The following GRAMD4 variants were observed in gnomAD, a reference collection of about 807,000 sequenced individuals.
The protein encoded by GRAMD4 is GRAM domain containing 4.
Under a neutral mutation model 83.9 loss-of-function variants are expected in GRAMD4, and 25 were observed. The observed-to-expected ratio is 0.30, with a 90% CI of 0.22 to 0.42. GRAMD4 has a LOEUF of 0.42. Ranked by LOEUF, GRAMD4 falls within the 10% of genes least tolerant of loss-of-function variation. The probability of loss-of-function intolerance (pLI) is 1.00; values close to 1 mark genes in which losing one functional copy is unlikely to be tolerated. For missense variants in GRAMD4, 593 were observed against 788.7 expected (o/e 0.75, Z 2.97); for synonymous variants, 336 against 320.9 (o/e 1.05, Z -0.50).
At chr22:46,600,040 A>C (rs1238885334) in intron 1 of GRAMD4, among the ~76,000 whole-genome samples, 1 of 152,168 alleles carries the variant, frequency 6.6e-6, no homozygotes, top group South Asian at 2.1e-4. Context: ...TTATTTGTCA[A>C]AGGGTCCTGC....
chr22:46,597,688 A>G (rs2081275504), intron 1 of GRAMD4, among the ~76,000 whole-genome samples: 1 of 151,932 alleles, frequency 6.6e-6, no homozygotes, highest in Admixed American at 6.6e-5. Context: ...ACGGGGTTTC[A>G]CCGTGTTAGC....
rs143245605 is a variant in GRAMD4, at chr22:46,601,792, T to C, written c.-50+24502T>C. On this transcript the variant is annotated intron_variant, in intron 1 of 1. Coordinates refer to the GRAMD4 transcript ENST00000431155. ...GCCTGGGTGACAGAGCAAGACCTTG[T>C]CTCTAAAAAACTTTTTTTTTAAGTT... is the stretch of plus-strand genomic sequence containing the variant. Among the ~76,000 whole-genome samples, 3 of 152,266 alleles carry C rather than the reference T, an allele frequency of 2.0e-5. No individual in the cohort carries two copies. In the East Asian group the frequency reaches 5.8e-4, roughly 29 times the overall value.
At chr22:46,620,184 TTCCCTAGACA>T (rs1235203697), upstream of GRAMD4, 26 of 331,658 alleles carry the variant, frequency 7.8e-5, no homozygotes, top group Non-Finnish European at 1.1e-4. The surrounding 1 kb of genome is among the most constrained non-coding windows in gnomAD (Gnocchi z 4.7). Context: ...GAGTCCAGGG[TTCCCTAGACA>T]CTGTTGCCTT....
intron 5 of GRAMD4, among the ~76,000 whole-genome samples, chr22:46,662,158 G>T (rs1340563547): frequency 6.6e-6 from 1 of 152,228 alleles, no homozygotes; most frequent in Non-Finnish European, 1.5e-5. Flanking sequence ...TAAAAACTCT[G>T]CCAGGCTGCC....
intron 1 of GRAMD4, among the ~76,000 whole-genome samples, chr22:46,585,167 G>A (rs1014989421): frequency 1.1e-4 from 16 of 151,818 alleles, no homozygotes; most frequent in African/African-American, 3.6e-4. Context: ...GGGGATCTGA[G>A]TGGAGCCTGT....
chr22:46,637,689 T>G, intron 2 of GRAMD4, 151 bp from the exon 3 acceptor site: 1 of 717,740 alleles, frequency 1.4e-6, no homozygotes. Flanking sequence ...GACTGCTGCG[T>G]CGTCCCCATG....
chr22:46,617,370 G>A (rs1214938960), upstream of GRAMD4, among the ~76,000 whole-genome samples: 8 of 148,418 alleles, frequency 5.4e-5, no homozygotes, highest in Admixed American at 3.3e-4. Context: ...CCATGTGTGC[G>A]GGTTCCCCTG....
rs188195175 is a variant in GRAMD4, at chr22:46,651,669, T to C, written c.284-6518T>C. On this transcript the variant is annotated intron_variant, in intron 3 of 18. Transcript: ENST00000406902. ...CAGGTGCCCCGTGCTGCCATTAGGA[T>C]GCGCTGTGGCAGGTCATGCATTTGT... 1.8e-3 allele frequency among the ~76,000 whole-genome samples: 279 copies of C among 152,336 alleles called. 1 individual carries two copies. Among genetic ancestry groups the C allele is most frequent in the African/African-American group, 6.5e-3 (269 of 41,586 alleles).
intron 1 of GRAMD4, among the ~76,000 whole-genome samples, chr22:46,606,598 AT>A (rs374846099): frequency 3.3e-4 from 4 of 12,122 alleles, no homozygotes; most frequent in Non-Finnish European, 8.4e-4. Context: ...GCATGGGTTT[AT>A]TGACCGGTGC....
upstream of GRAMD4, among the ~76,000 whole-genome samples, chr22:46,619,130 C>T (rs1258932093): frequency 6.6e-6 from 1 of 152,184 alleles, no homozygotes; most frequent in East Asian, 1.9e-4. Flanking sequence ...GGGCAGCACA[C>T]ATGTCATCAG....
intron 2 of GRAMD4, among the ~76,000 whole-genome samples, chr22:46,630,570 C>T (rs732925): frequency 9.9e-5 from 15 of 152,090 alleles, no homozygotes; most frequent in Non-Finnish European, 2.1e-4. Flanking sequence ...AGGTTCAGAC[C>T]GGAGCCCACC....
chr22:46,672,723 A>C lies in GRAMD4; in HGVS notation c.1085-120A>C, dbSNP rs2082529178. On this transcript the variant is annotated intron_variant, in intron 13 of 18. Coordinates refer to ENST00000406902, the MANE Select transcript of GRAMD4 (RefSeq NM_015124.5). The surrounding 1 kb of genome is among the most constrained non-coding windows in gnomAD (Gnocchi z 4.7). ...ACTGAGCGAGCAGCTGGACTCTCACATCCAGGCTCAGGGTGGAGGGTGCCA... is the reference window on the plus strand; with the variant it reads ...ACTGAGCGAGCAGCTGGACTCTCACCTCCAGGCTCAGGGTGGAGGGTGCCA... 1 of 747,424 alleles carries C rather than the reference A, an allele frequency of 1.3e-6. No homozygotes were observed. The highest frequency in any genetic ancestry group is 1.7e-5 in the South Asian group (1 of 58,760). 46.3% of individuals were successfully genotyped at this position (747,424 alleles called of 1,614,324 possible).
chr22:46,673,832 C>T lies in GRAMD4; in HGVS notation c.1384+18C>T. On this transcript the variant is annotated intron_variant, in intron 15 of 18. Transcript: ENST00000406902. Reference sequence around the variant, plus strand: ...GCTGGCGGGTATGTGTGCCGTGAGTCTGAGGCCAGGCCGAGCGCCGACACA... The same window carrying T: ...GCTGGCGGGTATGTGTGCCGTGAGTTTGAGGCCAGGCCGAGCGCCGACACA... 8.7e-6 allele frequency: 14 copies of T among 1,612,130 alleles called. No individual in the cohort carries two copies. The highest frequency in any genetic ancestry group is 1.2e-5 in the Non-Finnish European group (14 of 1,179,690).
rs1428712514 is a variant in GRAMD4 at position 46,673,812 on chromosome 22, C to T, written c.1382C>T (p.Ala461Val). 5.6e-6 allele frequency: 9 copies of T among 1,612,682 alleles called. No individual in the cohort carries two copies. The highest frequency in any genetic ancestry group is 3.3e-5 in the South Asian group (3 of 91,086). The change falls in exon 15 of 19, where the codon GCG becomes GTG. Residue 461 changes from alanine to valine, a missense_variant and splice_region_variant. This residue lies in a region of GRAMD4 where 171 missense variants were observed against 199.6 expected (regional missense o/e 0.86). Transcript: ENST00000406902. ...CTGACAGAAAACGAGCGTCCGCTGG[C>T]GGGTATGTGTGCCGTGAGTCTGAGG... ...FNLTENERPLAVCENGWRCCL... is the reference protein window; with the variant it reads ...FNLTENERPLVVCENGWRCCL...
intron 3 of GRAMD4, among the ~76,000 whole-genome samples, chr22:46,648,927 G>C (rs934635754): frequency 5.6e-5 from 6 of 107,718 alleles, no homozygotes; most frequent in African/African-American, 2.2e-4. Flanking sequence ...TGGATGGATG[G>C]ATGGATGCAT....
chr22:46,629,301 C>A (rs1380374840), intron 2 of GRAMD4, among the ~76,000 whole-genome samples: 3 of 152,256 alleles, frequency 2.0e-5, no homozygotes, highest in East Asian at 3.9e-4. Context: ...CACCCCCAGG[C>A]CTGCTTTAAG....
chr22:46,593,100 G>A (rs972554152), intron 1 of GRAMD4, among the ~76,000 whole-genome samples: 1 of 152,116 alleles, frequency 6.6e-6, no homozygotes, highest in East Asian at 1.9e-4. Context: ...TGAGAGTAAC[G>A]TGTTTGCTTA....
intron 1 of GRAMD4, among the ~76,000 whole-genome samples, chr22:46,624,659 A>G (rs1407763858): frequency 6.6e-6 from 1 of 151,974 alleles, no homozygotes; most frequent in Non-Finnish European, 1.5e-5. Flanking sequence ...TGTGTTTTTA[A>G]ATTGACTGAA....
chr22:46,668,038 G>C (rs1039460573), intron 10 of GRAMD4, 58 bp from the exon 11 acceptor site: 4 of 1,253,016 alleles, frequency 3.2e-6, no homozygotes, highest in Non-Finnish European at 4.7e-6. Context: ...TGTTTTGTCA[G>C]TGGTTTTTCT....
Sources: gnomAD v4.1 joint callset for allele counts (sites outside exome capture counted in the v4.1 genomes callset) on GRCh38, gnomAD v4.1.1 for gene constraint, gnomAD v4.1.1 regional missense constraint, Gnocchi (gnomAD v3.1) non-coding constraint, MANE v1.5 for transcripts, NCBI Gene and HGNC (gene_info 2026-07-23, HGNC 2026-07-21) for gene names.